The following PTBP3 variants were observed in gnomAD, a reference collection of about 807,000 sequenced individuals.
The protein encoded by PTBP3 is polypyrimidine tract binding protein 3, also known as polypyrimidine tract-binding protein 3.
In PTBP3, 20 loss-of-function variants were observed where a neutral mutation model predicts 58.7. The observed-to-expected ratio is 0.34, with a 90% CI of 0.24 to 0.50. PTBP3 has a LOEUF of 0.50. Among genes scored for constraint, PTBP3 ranks in the 20% least tolerant of loss-of-function variants. PTBP3 has a pLI of 0.98. For synonymous variants in PTBP3, 185 were observed against 219.8 expected, an observed-to-expected ratio of 0.84 and a Z score of 1.40; for missense variants, 509 against 637.2, an observed-to-expected ratio of 0.80 and a Z score of 2.17.
At chr9:112,364,005 CCTCA>C in the PTBP3 span, among the ~76,000 whole-genome samples, 1 of 152,098 alleles carries the variant, frequency 6.6e-6, no homozygotes, top group Admixed American at 6.6e-5. Context: ...ATCCCTCCCT[CCTCA>C]CTAACTACCG....
At chr9:112,371,790 G>A in the PTBP3 span, among the ~76,000 whole-genome samples, 3 of 151,786 alleles carry the variant, frequency 2.0e-5, no homozygotes, top group Admixed American at 1.3e-4. Flanking sequence ...CTAGAGTGCA[G>A]TGGCATGATC....
chr9:112,317,553 G>C (rs965042390), intron 1 of PTBP3, among the ~76,000 whole-genome samples: 1 of 152,142 alleles, frequency 6.6e-6, no homozygotes, highest in Non-Finnish European at 1.5e-5. Context: ...CAACAATACT[G>C]AAAGCTAGAC....
chr9:112,340,207 A>G, the PTBP3 span, among the ~76,000 whole-genome samples: 1 of 152,212 alleles, frequency 6.6e-6, no homozygotes. Context: ...TTATTAATTG[A>G]ACATGTGAAA....
Position 112,221,739 on chromosome 9 carries a change from C to G in PTBP3, c.*2112G>C. 1.0e-6 allele frequency: 1 copy of G among 985,144 alleles called. No individual in the cohort carries two copies. The highest frequency in any genetic ancestry group is 1.2e-6 in the Non-Finnish European group (1 of 829,684). The allele number at this position is 985,144 out of a possible 1,614,324, so 61.0% of individuals were successfully genotyped here. On this transcript the variant is annotated 3_prime_UTR_variant, in exon 14 of 14. Coordinates refer to ENST00000374257, the MANE Select transcript of PTBP3 (RefSeq NM_001163788.4). Reference sequence around the variant, plus strand: ...TGAAAAGTCTTAACTTAGTATCCCTCCTTTCTATTCTACCAACTAAGTGTT... The same window carrying G: ...TGAAAAGTCTTAACTTAGTATCCCTGCTTTCTATTCTACCAACTAAGTGTT...
chr9:112,300,709 G>A (rs1342711102), intron 1 of PTBP3, among the ~76,000 whole-genome samples: 7 of 151,900 alleles, frequency 4.6e-5, no homozygotes, highest in African/African-American at 9.7e-5. Context: ...CCGAGATCAC[G>A]CCACTGCACT....
chr9:112,249,766 A>G (rs1277472771), intron 7 of PTBP3, among the ~76,000 whole-genome samples: 1 of 152,122 alleles, frequency 6.6e-6, no homozygotes, highest in Non-Finnish European at 1.5e-5. Flanking sequence ...AATTATTAGA[A>G]TAAGTGAATT....
chr9:112,250,294 T>C (rs1836055051), intron 7 of PTBP3, among the ~76,000 whole-genome samples: 1 of 152,140 alleles, frequency 6.6e-6, no homozygotes, highest in African/African-American at 2.4e-5. Context: ...AAGTAGCATA[T>C]ACTAACCTAA....
At chr9:112,247,488 G>A (rs1488105485) in intron 7 of PTBP3, among the ~76,000 whole-genome samples, 1 of 151,182 alleles carries the variant, frequency 6.6e-6, no homozygotes, top group Non-Finnish European at 1.5e-5. Context: ...AGGATCACTT[G>A]AGCCCAGGAG....
At chr9:112,256,022 G>C (rs1377879969) in intron 5 of PTBP3, among the ~76,000 whole-genome samples, 1 of 151,966 alleles carries the variant, frequency 6.6e-6, no homozygotes, top group Non-Finnish European at 1.5e-5. Context: ...GGGAGGCTGA[G>C]ACAGGTGGGT....
At chr9:112,246,592 T>C (rs1179585361) in intron 7 of PTBP3, among the ~76,000 whole-genome samples, 1 of 150,256 alleles carries the variant, frequency 6.7e-6, no homozygotes, top group Non-Finnish European at 1.5e-5. Context: ...ACTCAGGAGG[T>C]TGAGGCAGGA....
chr9:112,230,966 G>A (rs528031268), intron 10 of PTBP3, among the ~76,000 whole-genome samples: 1 of 140,854 alleles, frequency 7.1e-6, no homozygotes, highest in Admixed American at 6.9e-5. Context: ...TTGACCCTAC[G>A]CAGCTGTCCA....
intron 7 of PTBP3, among the ~76,000 whole-genome samples, chr9:112,249,132 T>TA (rs925459655): frequency 3.3e-5 from 5 of 152,120 alleles, no homozygotes; most frequent in South Asian, 2.1e-4. Flanking sequence ...TAATGAGTGG[T>TA]AAAAAAACAA....
chr9:112,308,113 T>C (rs1273507230), intron 1 of PTBP3, among the ~76,000 whole-genome samples: 1 of 152,120 alleles, frequency 6.6e-6, no homozygotes, highest in Non-Finnish European at 1.5e-5. Context: ...TACAGCGGCA[T>C]AATCAGGGCT....
chr9:112,353,535 C>T, the PTBP3 span, among the ~76,000 whole-genome samples: 164 of 151,832 alleles, frequency 1.1e-3, 1 homozygote, highest in African/African-American at 3.9e-3. Flanking sequence ...TGTGAGCCAC[C>T]GCGCCTGGCC....
At chr9:112,294,017 C>T (rs1463660162) in intron 2 of PTBP3, among the ~76,000 whole-genome samples, 1 of 152,078 alleles carries the variant, frequency 6.6e-6, no homozygotes, top group Non-Finnish European at 1.5e-5. Flanking sequence ...CAAAATACCC[C>T]ACGACCAAGT....
chr9:112,266,319 C>T (rs1388522774), intron 4 of PTBP3, among the ~76,000 whole-genome samples: 2 of 152,102 alleles, frequency 1.3e-5, no homozygotes, highest in Admixed American at 6.5e-5. Flanking sequence ...TAACAGAAAT[C>T]AGTATAAGTA....
At chr9:112,320,314 A>ATATATATATT in intron 1 of PTBP3, among the ~76,000 whole-genome samples, 43 of 75,686 alleles carry the variant, frequency 5.7e-4, no homozygotes, top group African/African-American at 1.7e-3. Flanking sequence ...ATATATATAT[A>ATATATATATT]TTTTTTTTTA....
upstream of PTBP3, among the ~76,000 whole-genome samples, chr9:112,338,411 A>C (rs1471141596): frequency 6.6e-6 from 1 of 152,194 alleles, no homozygotes; most frequent in Non-Finnish European, 1.5e-5. Context: ...AGATGTTACT[A>C]TTGGGGGAAA....
At chr9:112,287,970 A>T (rs1447014735) in intron 2 of PTBP3, among the ~76,000 whole-genome samples, 1 of 152,134 alleles carries the variant, frequency 6.6e-6, no homozygotes, top group Non-Finnish European at 1.5e-5. Context: ...TGGCAATTGG[A>T]TGCTCCACAT....
Sources: allele counts gnomAD v4.1 joint callset (sites outside exome capture counted in the v4.1 genomes callset), GRCh38; gene constraint gnomAD v4.1.1; transcripts MANE v1.5; gene names NCBI Gene and HGNC (gene_info 2026-07-23, HGNC 2026-07-21).